Variants in LYPD6B observed in about 807,000 individuals in gnomAD.
LYPD6B encodes ly6/PLAUR domain-containing protein 6B.
A neutral mutation model predicts 22.8 loss-of-function variants in LYPD6B; 17 were observed. The ratio of observed to expected loss-of-function variants is 0.75; its 90% CI spans 0.51 to 1.12. The LOEUF (loss-of-function observed/expected upper bound fraction) is 1.12. LYPD6B is among the 50% of genes most tolerant of loss of function. The pLI is 0.00. For missense variants in LYPD6B, 221 were observed against 258.3 expected, an observed-to-expected ratio of 0.86 and a Z score of 0.99; for synonymous variants, 106 against 91.6, an observed-to-expected ratio of 1.16 and a Z score of -0.90.
At chr2:149,097,689 A>G (rs1279644690) in intron 1 of LYPD6B, among the ~76,000 whole-genome samples, 1 of 152,194 alleles carries the variant, frequency 6.6e-6, no homozygotes, top group African/African-American at 2.4e-5. Context: ...GCATAATTAT[A>G]AAAGAAAGAA....
intron 1 of LYPD6B, among the ~76,000 whole-genome samples, chr2:149,042,679 AT>A (rs1172482339): frequency 6.6e-6 from 1 of 152,182 alleles, no homozygotes; most frequent in Non-Finnish European, 1.5e-5. Context: ...GGAGACATTT[AT>A]TTATGTTTTG....
chr2:149,144,232 T>C (rs4667352), intron 2 of LYPD6B, among the ~76,000 whole-genome samples: 18,759 of 152,170 alleles, frequency 0.12, 1,448 homozygotes, highest in Non-Finnish European at 0.16. Context: ...AGCCTGCCAG[T>C]TTCTGTATGG....
At chr2:149,069,082 A>C (rs1308432082) in intron 1 of LYPD6B, among the ~76,000 whole-genome samples, 24 of 144,656 alleles carry the variant, frequency 1.7e-4, no homozygotes, top group African/African-American at 5.0e-4. Context: ...TATTATGTAG[A>C]CTTTTTTTTT....
At chr2:149,089,135 T>C (rs1185605279) in intron 1 of LYPD6B, among the ~76,000 whole-genome samples, 1 of 152,224 alleles carries the variant, frequency 6.6e-6, no homozygotes, top group African/African-American at 2.4e-5. Flanking sequence ...AGTTCAGACT[T>C]CTGTGAATGT....
intron 1 of LYPD6B, among the ~76,000 whole-genome samples, chr2:149,110,582 G>A (rs758095489): frequency 2.4e-4 from 36 of 152,202 alleles, no homozygotes; most frequent in South Asian, 4.1e-4. Flanking sequence ...TCTGAGTACC[G>A]TATCATAAGA....
intron 1 of LYPD6B, among the ~76,000 whole-genome samples, chr2:149,060,446 A>G (rs1005658237): frequency 6.6e-5 from 10 of 152,220 alleles, no homozygotes; most frequent in African/African-American, 2.4e-4. Flanking sequence ...GGGACATATC[A>G]TATTTTCTAT....
intron 1 of LYPD6B, among the ~76,000 whole-genome samples, chr2:149,043,825 A>G (rs1683192549): frequency 6.6e-6 from 1 of 152,100 alleles, no homozygotes; most frequent in African/African-American, 2.4e-5. Context: ...GTATGAGTCA[A>G]AGGTATTTTC....
At chr2:149,136,532 A>T (rs1688382207) in intron 2 of LYPD6B, among the ~76,000 whole-genome samples, 1 of 152,208 alleles carries the variant, frequency 6.6e-6, no homozygotes, top group Admixed American at 6.5e-5. Context: ...TATTTTCATG[A>T]TTGCAACTCT....
intron 1 of LYPD6B, among the ~76,000 whole-genome samples, chr2:149,123,618 C>G (rs939563840): frequency 1.3e-5 from 2 of 152,158 alleles, no homozygotes; most frequent in African/African-American, 4.8e-5. Flanking sequence ...GATCCCAGCA[C>G]TTTGGGAGGC....
chr2:149,206,121 G>A (rs1220391787), intron 4 of LYPD6B: 2 of 390,024 alleles, frequency 5.1e-6, no homozygotes, highest in Non-Finnish European at 1.0e-5. Context: ...GCCTGGAAGA[G>A]TATCAGAATC....
intron 1 of LYPD6B, among the ~76,000 whole-genome samples, chr2:149,096,005 A>G (rs924429634): frequency 1.3e-5 from 2 of 152,028 alleles, no homozygotes; most frequent in Non-Finnish European, 2.9e-5. Context: ...ACAGACACAC[A>G]CAGAAAGACC....
At chr2:149,173,987 A>T (rs1258471373) in intron 3 of LYPD6B, among the ~76,000 whole-genome samples, 1 of 152,224 alleles carries the variant, frequency 6.6e-6, no homozygotes, top group Non-Finnish European at 1.5e-5. Flanking sequence ...TTTGGGCAGT[A>T]CGGCCATTTT....
chr2:149,189,342 T>TTA (rs770703554), intron 3 of LYPD6B, among the ~76,000 whole-genome samples: 11,831 of 65,866 alleles, frequency 0.18, 1,259 homozygotes, highest in East Asian at 0.39. Flanking sequence ...TTGTCCAAAA[T>TTA]TATATATATA....
chr2:149,103,759 C>A (rs9784080), intron 1 of LYPD6B, among the ~76,000 whole-genome samples: 1 of 143,356 alleles, frequency 7.0e-6, no homozygotes, highest in African/African-American at 2.6e-5. Flanking sequence ...TGTTCATACA[C>A]GTTGTGCATA....
chr2:149,166,572 G>A (rs539710652), intron 3 of LYPD6B, among the ~76,000 whole-genome samples: 4 of 152,122 alleles, frequency 2.6e-5, no homozygotes, highest in Admixed American at 2.6e-4. Context: ...AAGGCTTAAG[G>A]GAAGTCACTC....
At chr2:149,131,613 G>A (rs917995246) in intron 2 of LYPD6B, 2 of 152,232 alleles carry the variant, frequency 1.3e-5, no homozygotes, top group Non-Finnish European at 2.9e-5. Context: ...TTGTAAGAAA[G>A]GGCCCATCTT....
In LYPD6B at chr2:149,153,551, C is replaced by T. The variant is rs143971095; in HGVS notation, c.6-7213C>T. On this transcript the variant is annotated intron_variant, in intron 2 of 6. Transcript: ENST00000409642. ...CATCACTTTGGGAGGCCGAGGCGGGCGAATCACGAGATCAGGAGATTGAGA... is the reference window on the plus strand; with the variant it reads ...CATCACTTTGGGAGGCCGAGGCGGGTGAATCACGAGATCAGGAGATTGAGA... Among the ~76,000 whole-genome samples the T allele has an allele frequency of 6.4e-3, 968 of 152,002 alleles. 11 individuals carry two copies. Among genetic ancestry groups the T allele is most frequent in the African/African-American group, 0.022 (916 of 41,436 alleles).
intron 1 of LYPD6B, among the ~76,000 whole-genome samples, chr2:149,089,055 G>A (rs1054399156): frequency 6.6e-6 from 1 of 152,104 alleles, no homozygotes; most frequent in Non-Finnish European, 1.5e-5. Context: ...ATGTAATGAG[G>A]ATGAAAAGAT....
intron 3 of LYPD6B, among the ~76,000 whole-genome samples, chr2:149,164,740 C>T (rs1449940350): frequency 6.6e-6 from 1 of 152,150 alleles, no homozygotes; most frequent in African/African-American, 2.4e-5. Flanking sequence ...AATGTGCTGC[C>T]TCACTGGCCC....
Sources: allele counts gnomAD v4.1 joint callset (sites outside exome capture counted in the v4.1 genomes callset), GRCh38; gene constraint gnomAD v4.1.1; transcripts MANE v1.5; gene names NCBI Gene and HGNC (gene_info 2026-07-23, HGNC 2026-07-21).